Variants in RTN4 observed in about 807,000 individuals in gnomAD.
The protein encoded by RTN4 is reticulon-4.
In RTN4, 32 loss-of-function variants were observed where a neutral mutation model predicts 90.4. The observed-to-expected ratio is 0.35, with a 90% CI of 0.27 to 0.48. The LOEUF (loss-of-function observed/expected upper bound fraction) is 0.48. RTN4 is among the 20% of genes least tolerant of loss of function. The pLI, the probability that RTN4 is intolerant of heterozygous loss-of-function variation, is 0.99. For synonymous variants in RTN4, 629 were observed against 552.5 expected, an observed-to-expected ratio of 1.14 and a Z score of -1.94; for missense variants, 1,706 against 1,430.2, an observed-to-expected ratio of 1.19 and a Z score of -3.11.
the RTN4 span, among the ~76,000 whole-genome samples, chr2:55,137,360 T>C: frequency 6.6e-6 from 1 of 152,114 alleles, no homozygotes; most frequent in African/African-American, 2.4e-5. Context: ...GTGACCTCTA[T>C]GCAGTGACGC....
intron 4 of RTN4, among the ~76,000 whole-genome samples, chr2:54,983,729 A>G (rs1009098937): frequency 2.6e-5 from 4 of 152,226 alleles, no homozygotes; most frequent in Non-Finnish European, 5.9e-5. Flanking sequence ...CCGTCAGCCA[A>G]TGCCAGAATA....
intron 1 of RTN4, among the ~76,000 whole-genome samples, chr2:55,111,757 T>C (rs1258045322): frequency 6.6e-6 from 1 of 152,216 alleles, no homozygotes; most frequent in Non-Finnish European, 1.5e-5. Flanking sequence ...AAAACGTTAA[T>C]GTCCACCCTT....
chr2:55,065,123 T>A (rs1392748701), intron 2 of RTN4, among the ~76,000 whole-genome samples: 1 of 152,248 alleles, frequency 6.6e-6, no homozygotes, highest in African/African-American at 2.4e-5. Flanking sequence ...GGTTCTACTC[T>A]CATAGGATGT....
At chr2:55,077,758 C>CACACACAA (rs1558870238) in intron 2 of RTN4, among the ~76,000 whole-genome samples, 1 of 41,682 alleles carries the variant, frequency 2.4e-5, no homozygotes, top group East Asian at 1.0e-3. Context: ...ATGTTTTATA[C>CACACACAA]ACACACACAC....
At chr2:55,134,775 T>G in the RTN4 span, among the ~76,000 whole-genome samples, 2 of 152,128 alleles carry the variant, frequency 1.3e-5, no homozygotes, top group Non-Finnish European at 2.9e-5. Context: ...AAAGGGCTCT[T>G]GAGGCAACTC....
chr2:55,005,938 T>C (rs1463974816), intron 3 of RTN4, among the ~76,000 whole-genome samples: 1 of 152,198 alleles, frequency 6.6e-6, no homozygotes, highest in African/African-American at 2.4e-5. Context: ...TTTCAGACTT[T>C]GGAGCATTTT....
intron 3 of RTN4, among the ~76,000 whole-genome samples, chr2:55,005,968 T>G (rs1274866204): frequency 6.6e-6 from 1 of 152,154 alleles, no homozygotes; most frequent in Non-Finnish European, 1.5e-5. Context: ...ATTTTCAGAT[T>G]AGGGATGTTC....
At chr2:55,035,585 A>G (rs1682619479) in intron 1 of RTN4, among the ~76,000 whole-genome samples, 1 of 152,118 alleles carries the variant, frequency 6.6e-6, no homozygotes, top group South Asian at 2.1e-4. Flanking sequence ...GTAAAAGAAA[A>G]TAAGTAGTAA....
At chr2:55,045,655 TA>T (rs1015433333) in intron 1 of RTN4, among the ~76,000 whole-genome samples, 3 of 151,730 alleles carry the variant, frequency 2.0e-5, no homozygotes, top group Admixed American at 6.6e-5. Flanking sequence ...AAACAACAAT[TA>T]AAAAAAACAA....
chr2:55,026,862 C>T lies in RTN4; in HGVS notation c.1237G>A (p.Glu413Lys). ...TCCACTTTACTTTCCAAGTTGCTCT[C>T]GATTTTACCTCCAGCAGCCAACATA... ...SDMLAAGGKI[E>K]SNLESKVDKK... Residue 413 changes from glutamate to lysine, a missense_variant, in exon 3 of 9, where the codon GAG becomes AAG. Physicochemically the swap from Glu to Lys is moderately conservative, Grantham distance 56. Transcript: ENST00000337526. The T allele has an allele frequency of 1.1e-5, 18 of 1,613,866 alleles. No individual in the cohort carries two copies. The highest frequency in any genetic ancestry group is 1.3e-5 in the Non-Finnish European group (15 of 1,179,878).
intron 1 of RTN4, 88 bp from the exon 2 acceptor site, chr2:55,028,308 T>A: frequency 2.6e-6 from 3 of 1,171,118 alleles, no homozygotes; most frequent in Non-Finnish European, 2.4e-6. Context: ...AGGGTTCAGT[T>A]TGTAATAAGT....
chr2:55,055,109 T>C (rs536219615), upstream of RTN4, among the ~76,000 whole-genome samples: 1 of 152,204 alleles, frequency 6.6e-6, no homozygotes, highest in South Asian at 2.1e-4. Context: ...CTTTCTCCTT[T>C]AACTGTTTTC....
At chr2:55,128,943 A>AT in the RTN4 span, among the ~76,000 whole-genome samples, 2 of 151,672 alleles carry the variant, frequency 1.3e-5, no homozygotes, top group Non-Finnish European at 2.9e-5. Context: ...CCTGTCTCTA[A>AT]TAAAAATACA....
chr2:55,025,317 C>A lies in RTN4; in HGVS notation c.2782G>T (p.Val928Phe). The A allele has an allele frequency of 6.2e-7, 1 of 1,613,944 alleles. No individual in the cohort carries two copies. The highest frequency in any genetic ancestry group is 8.5e-7 in the Non-Finnish European group (1 of 1,179,886). Residue 928 changes from valine (V) to phenylalanine (F), a missense_variant, in exon 3 of 9, where the codon GTT (valine) becomes TTT (phenylalanine). Physicochemically the swap from Val to Phe is conservative, Grantham distance 50. Coordinates refer to ENST00000337526, the MANE Select transcript of RTN4 (RefSeq NM_020532.5). ...DLSLKNIQPK[V>F]EEKISFSDDF... ...TCTGAGAAACTGATTTTCTCTTCAA[C>A]TTTGGGTTGTATGTTCTTCAAAGAA...
At chr2:55,021,147 C>A (rs1460542386) in intron 3 of RTN4, among the ~76,000 whole-genome samples, 1 of 152,112 alleles carries the variant, frequency 6.6e-6, no homozygotes, top group Non-Finnish European at 1.5e-5. Context: ...TTAGAGATGG[C>A]ATAAAACTTT....
intron 3 of RTN4, among the ~76,000 whole-genome samples, chr2:55,019,458 T>C (rs1433258384): frequency 1.3e-5 from 2 of 152,204 alleles, no homozygotes; most frequent in Non-Finnish European, 2.9e-5. Context: ...GAGCTCATCT[T>C]GCCCAGACGG....
At chr2:55,041,466 G>A (rs565210618) in intron 1 of RTN4, among the ~76,000 whole-genome samples, 2 of 152,076 alleles carry the variant, frequency 1.3e-5, no homozygotes, top group East Asian at 3.9e-4. Context: ...TGGAAAAGCC[G>A]TTTAGCTAGT....
Position 55,050,063 on chromosome 2 carries a change from C to A in RTN4, c.238G>T (p.Asp80Tyr). 1 of 1,432,542 alleles carries A rather than the reference C, an allele frequency of 7.0e-7. No individual in the cohort carries two copies. Among genetic ancestry groups the A allele is most frequent in the Non-Finnish European group, 9.1e-7 (1 of 1,098,878 alleles). 88.7% of individuals were successfully genotyped at this position (1,432,542 alleles called of 1,614,324 possible). A position where few individuals can be genotyped will look rare whatever the true frequency, so the allele number is the denominator to read the frequency against. ...GGCGGCACGAAGTCATTTCCGAAGT[C>A]CATCAGGGGCGCGCCGGCGGCAGGG... is the stretch of plus-strand genomic sequence containing the variant. ...TAPAAGAPLM[D>Y]FGNDFVPPAP... Residue 80 changes from aspartate (D) to tyrosine (Y), a missense_variant, in exon 1 of 9, where the codon GAC becomes TAC. Transcript: ENST00000337526. The surrounding 1 kb of genome is among the most constrained non-coding windows in gnomAD (Gnocchi z 4.6).
chr2:54,981,817 A>ATATGAATCACATACAAGCTAAGAAAC (rs70944201), intron 5 of RTN4, among the ~76,000 whole-genome samples: 78,329 of 151,712 alleles, frequency 0.52, 20,594 homozygotes, highest in East Asian at 0.63. Flanking sequence ...TTTCATGTAC[A>ATATGAATCACATACAAGCTAAGAAAC]TAAGTGCTAG....
Sources: allele counts gnomAD v4.1 joint callset (sites outside exome capture counted in the v4.1 genomes callset), GRCh38; gene constraint gnomAD v4.1.1; non-coding constraint Gnocchi (gnomAD v3.1); transcripts MANE v1.5; gene names NCBI Gene and HGNC (gene_info 2026-07-23, HGNC 2026-07-21).